The following MBNL2 variants were observed in gnomAD, a reference collection of about 807,000 sequenced individuals.
MBNL2 encodes the protein muscleblind like splicing regulator 2.
A neutral mutation model predicts 41.9 loss-of-function variants in MBNL2; 17 were observed. The observed-to-expected ratio is 0.41, with a 90% CI of 0.28 to 0.61. The LOEUF (loss-of-function observed/expected upper bound fraction) is 0.61, where lower values mean the gene tolerates loss of function less well. MBNL2 is among the 20% of genes least tolerant of loss of function. The pLI, the probability that MBNL2 is intolerant of heterozygous loss-of-function variation, is 0.35. For synonymous variants in MBNL2, 195 were observed against 182.9 expected (o/e 1.07, Z -0.53); for missense variants, 336 against 505.6 (o/e 0.66, Z 3.22).
the MBNL2 span, among the ~76,000 whole-genome samples, chr13:97,181,990 CT>C: frequency 6.6e-6 from 1 of 152,160 alleles, no homozygotes; most frequent in Non-Finnish European, 1.5e-5. Context: ...TTATTTTAGG[CT>C]CATCATTGCC....
chr13:97,270,254 AAGC>A (rs2050683022), intron 1 of MBNL2, among the ~76,000 whole-genome samples: 1 of 152,338 alleles, frequency 6.6e-6, no homozygotes, highest in African/African-American at 2.4e-5. Flanking sequence ...TGGGAAAAGG[AAGC>A]AGGTGAGATC....
chr13:97,215,161 C>T, the MBNL2 span, among the ~76,000 whole-genome samples: 89 of 152,308 alleles, frequency 5.8e-4, no homozygotes, highest in African/African-American at 1.9e-3. Context: ...CTCCTCTCTG[C>T]GACTTCAAAT....
chr13:97,158,272 G>A, the MBNL2 span, among the ~76,000 whole-genome samples: 2 of 146,796 alleles, frequency 1.4e-5, no homozygotes, highest in Non-Finnish European at 3.0e-5. Flanking sequence ...TGTGTCTATT[G>A]GATTCTTCTC....
the MBNL2 span, among the ~76,000 whole-genome samples, chr13:97,174,713 AC>A: frequency 6.6e-6 from 1 of 152,202 alleles, no homozygotes; most frequent in East Asian, 1.9e-4. Context: ...ACATCTGCAC[AC>A]TTCAATGCCA....
intron 5 of MBNL2, among the ~76,000 whole-genome samples, chr13:97,348,879 G>A (rs1483294999): frequency 6.6e-6 from 1 of 152,200 alleles, no homozygotes; most frequent in Non-Finnish European, 1.5e-5. Flanking sequence ...TTGCGCAAAT[G>A]TTTATTAAGG....
chr13:97,219,932 T>C (rs2040715281), upstream of MBNL2, among the ~76,000 whole-genome samples: 1 of 152,200 alleles, frequency 6.6e-6, no homozygotes, highest in Admixed American at 6.5e-5. Flanking sequence ...AAGCCACTGG[T>C]AGAGATGAAG....
intron 2 of MBNL2, among the ~76,000 whole-genome samples, chr13:97,288,490 T>C (rs1403505583): frequency 6.6e-6 from 1 of 152,144 alleles, no homozygotes; most frequent in African/African-American, 2.4e-5. Context: ...ATGGCTTTGT[T>C]TCAGTGCACA....
At chr13:97,359,497 G>A (rs1253271257) in intron 7 of MBNL2, among the ~76,000 whole-genome samples, 1 of 152,128 alleles carries the variant, frequency 6.6e-6, no homozygotes, top group African/African-American at 2.4e-5. Context: ...ACTTTAAAAT[G>A]TTTCACCTTT....
chr13:97,235,450 A>G (rs2043093896), intron 1 of MBNL2, among the ~76,000 whole-genome samples: 1 of 152,310 alleles, frequency 6.6e-6, no homozygotes, highest in Non-Finnish European at 1.5e-5. Context: ...AACATTGACG[A>G]CCAATAACCC....
chr13:97,219,895 T>C (rs1037773083), upstream of MBNL2, among the ~76,000 whole-genome samples: 8 of 152,320 alleles, frequency 5.3e-5, no homozygotes, highest in Admixed American at 5.2e-4. Flanking sequence ...TAAATCATCA[T>C]GATAAAAGAT....
chr13:97,346,240 AATAG>A lies in MBNL2; in HGVS notation c.541-561_541-558del, dbSNP rs747000264. On this transcript the variant is annotated intron_variant, in intron 4 of 8. Transcript: ENST00000679496. This position sits in a 1 kb window ranked among gnomAD's most constrained non-coding sequence, Gnocchi z 4.2. ...TAAAAATAATGATAGATTAACAGAT[AATAG>A]ATGGATGGATGGATGGATGGATGGA... Among the ~76,000 whole-genome samples the A allele has an allele frequency of 1.6e-4, 18 of 115,716 alleles. No homozygotes were observed. The highest frequency in any genetic ancestry group is 3.9e-3 in the Middle Eastern group (1 of 258). 75.9% of individuals were successfully genotyped at this position (115,716 alleles called of 152,430 possible). A position where few individuals can be genotyped will look rare whatever the true frequency, so the allele number is the denominator to read the frequency against.
At chr13:97,261,896 A>G (rs2048700219) in intron 1 of MBNL2, among the ~76,000 whole-genome samples, 1 of 152,188 alleles carries the variant, frequency 6.6e-6, no homozygotes, top group Non-Finnish European at 1.5e-5. Context: ...CATGACAGCC[A>G]GCCACCCTGT....
chr13:97,297,221 C>G (rs893784803), intron 2 of MBNL2, among the ~76,000 whole-genome samples: 2 of 152,154 alleles, frequency 1.3e-5, no homozygotes, highest in Non-Finnish European at 2.9e-5. Context: ...GAGGGCCTAA[C>G]ATACATGAGG....
At chr13:97,218,999 C>G (rs1000657230), upstream of MBNL2, among the ~76,000 whole-genome samples, 1 of 151,934 alleles carries the variant, frequency 6.6e-6, no homozygotes. Context: ...GTATAACCAT[C>G]CCCTGTAATA....
chr13:97,310,849 A>C (rs1166740295), intron 2 of MBNL2, among the ~76,000 whole-genome samples: 1 of 149,602 alleles, frequency 6.7e-6, no homozygotes, highest in African/African-American at 2.5e-5. Flanking sequence ...AGAGAAACAT[A>C]TTACCGGTCA....
At chr13:97,195,281 C>T in the MBNL2 span, among the ~76,000 whole-genome samples, 7 of 152,048 alleles carry the variant, frequency 4.6e-5, no homozygotes, top group Non-Finnish European at 1.0e-4. Flanking sequence ...TTTCAGTTGT[C>T]CCCCAGCCCA....
intron 1 of MBNL2, among the ~76,000 whole-genome samples, chr13:97,244,569 G>A (rs2045053465): frequency 6.6e-6 from 1 of 152,200 alleles, no homozygotes; most frequent in Non-Finnish European, 1.5e-5. Flanking sequence ...TTGTGCCTTT[G>A]TTTTACAATG....
the MBNL2 span, among the ~76,000 whole-genome samples, chr13:97,172,312 G>A: frequency 6.6e-6 from 1 of 152,088 alleles, no homozygotes; most frequent in Non-Finnish European, 1.5e-5. Context: ...CCTCTATTTT[G>A]TTCTCCAGGT....
At chr13:97,329,698 AC>A (rs1566420599) in intron 2 of MBNL2, among the ~76,000 whole-genome samples, 12 of 216 alleles carry the variant, frequency 0.056, no homozygotes, top group East Asian at 0.17. Context: ...CACAATACAC[AC>A]ACATGCAGCA....
Sources: allele counts gnomAD v4.1 joint callset (sites outside exome capture counted in the v4.1 genomes callset), GRCh38; gene constraint gnomAD v4.1.1; non-coding constraint Gnocchi (gnomAD v3.1); transcripts MANE v1.5; gene names NCBI Gene and HGNC (gene_info 2026-07-23, HGNC 2026-07-21).